CNKSR2: variants seen among roughly 807,000 people sequenced by gnomAD.
The protein encoded by CNKSR2 is CNK homolog protein 2.
A neutral mutation model predicts 84.4 loss-of-function variants in CNKSR2; 14 were observed. The ratio of observed to expected loss-of-function variants is 0.17; its 90% CI spans 0.11 to 0.26. The LOEUF (loss-of-function observed/expected upper bound fraction) is 0.26, where lower values mean the gene tolerates loss of function less well. CNKSR2 is among the 10% of genes least tolerant of loss of function. The pLI is 1.00. For missense variants in CNKSR2, 485 were observed against 771.2 expected, an observed-to-expected ratio of 0.63 and a Z score of 4.40; for synonymous variants, 275 against 277.9, an observed-to-expected ratio of 0.99 and a Z score of 0.10.
chrX:21,414,103 A>T (rs1022425648), intron 1 of CNKSR2, among the ~76,000 whole-genome samples: 4 of 111,453 alleles, frequency 3.6e-5, no homozygotes, highest in African/African-American at 1.3e-4. Context: ...GGATTGCTGG[A>T]TCATGTGGCA....
chrX:21,418,966 T>C (rs1350700996), intron 1 of CNKSR2, among the ~76,000 whole-genome samples: 1 of 111,387 alleles, frequency 9.0e-6, no homozygotes, highest in Non-Finnish European at 1.9e-5. Flanking sequence ...AGTTCTCTGT[T>C]ATTATTCCTT....
chrX:21,451,714 G>A, intron 4 of CNKSR2, among the ~76,000 whole-genome samples: 1 of 68,015 alleles, frequency 1.5e-5, no homozygotes, highest in Non-Finnish European at 2.7e-5. Context: ...GGGGGGAGGG[G>A]GGAGGGATAG....
intron 11 of CNKSR2, among the ~76,000 whole-genome samples, chrX:21,556,343 GTAAC>G (rs2092139778): frequency 9.0e-6 from 1 of 111,145 alleles, no homozygotes; most frequent in African/African-American, 3.3e-5. Context: ...CAGAATTCAA[GTAAC>G]TAAATTAATA....
At chrX:21,439,570 A>G (rs1423217096) in intron 3 of CNKSR2, among the ~76,000 whole-genome samples, 2 of 111,045 alleles carry the variant, frequency 1.8e-5, no homozygotes, top group African/African-American at 3.3e-5. Flanking sequence ...TCTTAATGAT[A>G]AGAGCAGAAA....
chrX:21,437,480 C>T (rs1158952235), intron 3 of CNKSR2, among the ~76,000 whole-genome samples: 6 of 96,435 alleles, frequency 6.2e-5, no homozygotes, highest in Non-Finnish European at 1.2e-4. Context: ...AGTGCAGTGG[C>T]GTGATCTCGG....
chrX:21,409,794 A>T (rs2090317322), intron 1 of CNKSR2, among the ~76,000 whole-genome samples: 1 of 111,140 alleles, frequency 9.0e-6, no homozygotes, highest in South Asian at 3.8e-4. Context: ...TTCTCTAAGT[A>T]TCCATAAAAC....
At chrX:21,385,649 G>T (rs980202941) in intron 1 of CNKSR2, among the ~76,000 whole-genome samples, 2 of 111,850 alleles carry the variant, frequency 1.8e-5, no homozygotes, top group East Asian at 2.8e-4. Context: ...TATTAAGCAG[G>T]TGTTTGTTTT....
At chrX:21,550,508 G>T (rs1827939509) in intron 11 of CNKSR2, among the ~76,000 whole-genome samples, 1 of 112,161 alleles carries the variant, frequency 8.9e-6, no homozygotes, top group Admixed American at 9.4e-5. Context: ...AGACAGTGTG[G>T]CAATTCCTCA....
intron 1 of CNKSR2, among the ~76,000 whole-genome samples, chrX:21,389,879 T>C (rs2090024565): frequency 8.9e-6 from 1 of 112,886 alleles, no homozygotes. Flanking sequence ...AATGTTATAC[T>C]TTGTTTTCAT....
chrX:21,407,610 T>C (rs1042969851), intron 1 of CNKSR2, among the ~76,000 whole-genome samples: 6 of 111,537 alleles, frequency 5.4e-5, no homozygotes, highest in Non-Finnish European at 9.4e-5. Flanking sequence ...AGTAATGAAA[T>C]CAGCTCTTTT....
intron 8 of CNKSR2, chrX:21,504,753 T>C (rs987900102): frequency 1.4e-5 from 4 of 294,138 alleles, no homozygotes; most frequent in Non-Finnish European, 2.4e-5. Flanking sequence ...GGAAGTTTTA[T>C]GTCCTTTTTC....
intron 5 of CNKSR2, among the ~76,000 whole-genome samples, chrX:21,482,991 A>AATATAAT (rs1166475781): frequency 1.8e-5 from 2 of 112,026 alleles, no homozygotes; most frequent in African/African-American, 3.2e-5. Context: ...GCTGTATATA[A>AATATAAT]ATATAATTTT....
chrX:21,473,539 C>T (rs976674758), intron 5 of CNKSR2, among the ~76,000 whole-genome samples: 2 of 107,998 alleles, frequency 1.9e-5, no homozygotes, highest in African/African-American at 3.4e-5. Flanking sequence ...TTTTCTATCT[C>T]GGTGAGCTGA....
At chrX:21,404,789 C>CAAA (rs59192713) in intron 1 of CNKSR2, among the ~76,000 whole-genome samples, 20 of 30,008 alleles carry the variant, frequency 6.7e-4, no homozygotes, top group East Asian at 4.4e-3. Flanking sequence ...AACTCTGTCT[C>CAAA]AAAAAAAAAA....
chrX:21,652,267 T>G, intron 21 of CNKSR2, 39 bp from the exon 22 acceptor site: 1 of 1,085,125 alleles, frequency 9.2e-7, no homozygotes, highest in Middle Eastern at 2.5e-4. Context: ...GAATAAAACT[T>G]TGTCCCTGTC....
intron 5 of CNKSR2, among the ~76,000 whole-genome samples, chrX:21,484,289 TCAAAACAAAACAAAA>T (rs113032601): frequency 9.0e-5 from 10 of 110,845 alleles, no homozygotes; most frequent in South Asian, 7.6e-4. Flanking sequence ...AGACTTCGTT[TCAAAACAAAACAAAA>T]CAAAACAAAA....
intron 1 of CNKSR2, among the ~76,000 whole-genome samples, chrX:21,388,093 G>T (rs1352194578): frequency 9.0e-6 from 1 of 110,663 alleles, no homozygotes; most frequent in Non-Finnish European, 1.9e-5. Context: ...TGTACACAAG[G>T]TTTCACTGTG....
intron 4 of CNKSR2, among the ~76,000 whole-genome samples, chrX:21,456,869 A>G (rs755630711): frequency 1.8e-5 from 2 of 111,667 alleles, no homozygotes; most frequent in Non-Finnish European, 3.8e-5. Context: ...CGTTTTTGCC[A>G]TTACTTCTTA....
intron 11 of CNKSR2, among the ~76,000 whole-genome samples, chrX:21,551,415 A>G (rs2092090886): frequency 8.9e-6 from 1 of 112,623 alleles, no homozygotes; most frequent in East Asian, 2.8e-4. Context: ...TGGTATTCAT[A>G]TGTAGATAAA....
Sources: gnomAD v4.1 joint callset for allele counts (sites outside exome capture counted in the v4.1 genomes callset) on GRCh38, gnomAD v4.1.1 for gene constraint, MANE v1.5 for transcripts, NCBI Gene and HGNC (gene_info 2026-07-23, HGNC 2026-07-21) for gene names.